CMIP: variants seen among roughly 807,000 people sequenced by gnomAD.
CMIP encodes the protein C-Maf-inducing protein.
Under a neutral mutation model 97.3 loss-of-function variants are expected in CMIP, and 13 were observed. That is an observed-to-expected ratio of 0.13 (90% CI 0.09 to 0.21). The LOEUF (loss-of-function observed/expected upper bound fraction) is 0.21, where lower values mean the gene tolerates loss of function less well. CMIP is among the 10% of genes least tolerant of loss of function. The probability of loss-of-function intolerance (pLI) is 1.00; values close to 1 mark genes in which losing one functional copy is unlikely to be tolerated. For synonymous variants in CMIP, 538 were observed against 436.3 expected (o/e 1.23, Z -2.91); for missense variants, 847 against 1,024.9 (o/e 0.83, Z 2.37).
intron 15 of CMIP, chr16:81,700,464 C>G (rs72831125): frequency 1.3e-5 from 2 of 152,832 alleles, no homozygotes; most frequent in African/African-American, 4.8e-5. Context: ...CCCAAGGGAA[C>G]CAAGGCAGAA....
intron 3 of CMIP, among the ~76,000 whole-genome samples, chr16:81,626,305 T>C (rs2092061843): frequency 6.7e-6 from 1 of 149,072 alleles, no homozygotes; most frequent in Non-Finnish European, 1.5e-5. Context: ...GGGTGACTAT[T>C]TTATGAGTGT....
At chr16:81,628,844 T>A (rs2092110782) in intron 3 of CMIP, among the ~76,000 whole-genome samples, 1 of 152,040 alleles carries the variant, frequency 6.6e-6, no homozygotes, top group African/African-American at 2.4e-5. Context: ...CCACTAGGGT[T>A]ATGTGAATTG....
chr16:81,505,439 A>G (rs755469893), intron 1 of CMIP, among the ~76,000 whole-genome samples: 2 of 151,904 alleles, frequency 1.3e-5, no homozygotes, highest in Non-Finnish European at 2.9e-5. Flanking sequence ...GTCCATTTGC[A>G]CCCTGGTTTT....
At chr16:81,462,496 G>A (rs1269638349) in intron 1 of CMIP, among the ~76,000 whole-genome samples, 1 of 147,536 alleles carries the variant, frequency 6.8e-6, no homozygotes, top group East Asian at 2.1e-4. Flanking sequence ...AAATAAACAT[G>A]TAAGTGATAA....
At chr16:81,560,318 A>G (rs1031555634) in intron 1 of CMIP, among the ~76,000 whole-genome samples, 3 of 150,986 alleles carry the variant, frequency 2.0e-5, no homozygotes, top group African/African-American at 7.3e-5. Flanking sequence ...TCCCGGGTTC[A>G]CGCCATTCTC....
chr16:81,569,024 T>G (rs1024360105), intron 1 of CMIP, among the ~76,000 whole-genome samples: 18 of 152,126 alleles, frequency 1.2e-4, no homozygotes, highest in Non-Finnish European at 2.4e-4. Flanking sequence ...GGGGGTGCAG[T>G]TTTTCACCTG....
intron 1 of CMIP, among the ~76,000 whole-genome samples, chr16:81,581,106 G>A (rs577631893): frequency 2.0e-5 from 3 of 152,268 alleles, no homozygotes; most frequent in Non-Finnish European, 2.9e-5. Flanking sequence ...TGTCAGCACT[G>A]CCTTCCTTTT....
intron 1 of CMIP, among the ~76,000 whole-genome samples, chr16:81,479,749 A>T (rs763066238): frequency 3.9e-5 from 6 of 151,992 alleles, no homozygotes; most frequent in Non-Finnish European, 8.8e-5. Flanking sequence ...AAACATCGTC[A>T]CCCCAGAAGG....
chr16:81,670,158 C>T lies in CMIP; in HGVS notation c.842C>T (p.Pro281Leu). 6.2e-7 allele frequency: 1 copy of T among 1,608,864 alleles called. No homozygotes were observed. The highest frequency in any genetic ancestry group is 1.3e-5 in the African/African-American group (1 of 74,924). Residue 281 changes from proline (P) to leucine (L), a missense_variant, in exon 8 of 21, where the codon CCG becomes CTG. Coordinates refer to ENST00000537098, the MANE Select transcript of CMIP (RefSeq NM_198390.3). ...LKHNMDFGKCPRLRLFTQEYI... is the reference protein window; with the variant it reads ...LKHNMDFGKCLRLRLFTQEYI... The stretch of plus-strand genomic sequence containing the variant: ...TCTCCACAGGACTTTGGGAAGTGCC[C>T]GCGACTGAGGCTGTTTACTCAGGAG...
chr16:81,488,231 G>C (rs1478798855), intron 1 of CMIP, among the ~76,000 whole-genome samples: 2 of 152,070 alleles, frequency 1.3e-5, no homozygotes, highest in African/African-American at 2.4e-5. Flanking sequence ...GCGACCGTAG[G>C]GGGTTAAGGG....
intron 16 of CMIP, 31 bp downstream of exon 16, chr16:81,701,831 C>G (rs1260711478): frequency 1.2e-6 from 2 of 1,611,998 alleles, no homozygotes; most frequent in African/African-American, 2.7e-5. Flanking sequence ...GACCACTCCC[C>G]TGCCCAGCAG....
intron 1 of CMIP, among the ~76,000 whole-genome samples, chr16:81,554,553 C>A (rs1046981581): frequency 6.6e-6 from 1 of 152,206 alleles, no homozygotes; most frequent in East Asian, 1.9e-4. Flanking sequence ...TTTGCAGAAT[C>A]CCAGACTGGC....
At chr16:81,507,723 A>G (rs971945034) in intron 1 of CMIP, among the ~76,000 whole-genome samples, 1 of 152,218 alleles carries the variant, frequency 6.6e-6, no homozygotes, top group Non-Finnish European at 1.5e-5. Flanking sequence ...CACAAGGCTC[A>G]TTAAGATTAA....
At chr16:81,658,193 A>G (rs2092506772) in intron 5 of CMIP, among the ~76,000 whole-genome samples, 1 of 152,220 alleles carries the variant, frequency 6.6e-6, no homozygotes, top group Non-Finnish European at 1.5e-5. Flanking sequence ...ATGTCTCCCA[A>G]TTAATCCACA....
At chr16:81,494,953 C>T (rs1225803130) in intron 1 of CMIP, among the ~76,000 whole-genome samples, 1 of 152,294 alleles carries the variant, frequency 6.6e-6, no homozygotes, top group Non-Finnish European at 1.5e-5. Flanking sequence ...CATTGAGGTA[C>T]AGAGCAGCTA....
chr16:81,622,147 A>G (rs2092000815), intron 3 of CMIP: 1 of 152,158 alleles, frequency 6.6e-6, no homozygotes, highest in South Asian at 2.1e-4. Context: ...CGTTGTTGCC[A>G]TTTTCCATAC....
At position 81,627,481 on chromosome 16, in the gene CMIP, G is replaced by C. The variant is rs973395960; in HGVS notation, c.477+6555G>C. On this transcript the variant is annotated intron_variant, in intron 3 of 20. Transcript: ENST00000537098. This position sits in a 1 kb window ranked among gnomAD's most constrained non-coding sequence, Gnocchi z 4.6. ...GGGTCCGACATGGTGGGAGCAGCTG[G>C]CTCGGCCTGTCTCCCTGGCAGCCCC... 6.6e-6 allele frequency among the ~76,000 whole-genome samples: 1 copy of C among 151,956 alleles called. No individual in the cohort carries two copies. The highest frequency in any genetic ancestry group is 2.4e-5 in the African/African-American group (1 of 41,364).
chr16:81,634,150 A>G (rs1277408547), intron 3 of CMIP, among the ~76,000 whole-genome samples: 1 of 152,208 alleles, frequency 6.6e-6, no homozygotes, highest in Non-Finnish European at 1.5e-5. Context: ...CTATTTTAAC[A>G]TACCCTCCGG....
intron 3 of CMIP, among the ~76,000 whole-genome samples, chr16:81,622,903 C>T (rs879285214): frequency 1.3e-5 from 2 of 152,222 alleles, no homozygotes; most frequent in Non-Finnish European, 2.9e-5. Context: ...GGCCTTGAAA[C>T]ATTCAAATGT....
Sources: gnomAD v4.1 joint callset for allele counts (sites outside exome capture counted in the v4.1 genomes callset) on GRCh38, gnomAD v4.1.1 for gene constraint, Gnocchi (gnomAD v3.1) non-coding constraint, MANE v1.5 for transcripts, NCBI Gene and HGNC (gene_info 2026-07-23, HGNC 2026-07-21) for gene names.